Variants in TAF1 observed in about 807,000 individuals in gnomAD.
The protein encoded by TAF1 is TATA-box binding protein associated factor 1.
In TAF1, 2 loss-of-function variants were observed where a neutral mutation model predicts 138.5. The observed-to-expected ratio is 0.01, with a 90% confidence interval of 0.01 to 0.05. The LOEUF (loss-of-function observed/expected upper bound fraction) is 0.05. Among genes scored for constraint, TAF1 ranks in the 10% least tolerant of loss-of-function variants. The pLI is 1.00. For missense variants in TAF1, 709 were observed against 1,478.0 expected (o/e 0.48, Z 8.53); for synonymous variants, 437 against 503.2 (o/e 0.87, Z 1.76).
chrX:71,407,814 TG>T (rs1287849630), intron 27 of TAF1, 142 bp downstream of exon 27: 2 of 975,547 alleles, frequency 2.1e-6, no homozygotes, highest in East Asian at 6.3e-5. Flanking sequence ...TTTGTTTGTT[TG>T]TTTTTTTAAG....
chrX:71,384,484 C>T (rs1409672221), intron 13 of TAF1, among the ~76,000 whole-genome samples: 1 of 109,079 alleles, frequency 9.2e-6, no homozygotes, highest in East Asian at 2.9e-4. Context: ...GATCTCCACT[C>T]ACTGCAACCT....
chrX:71,495,486 C>T lies in TAF1; in HGVS notation c.1367-33056C>T, dbSNP rs777287716. Among the ~76,000 whole-genome samples the T allele has an allele frequency of 1.1e-4, 12 of 111,516 alleles. No homozygotes were observed. The East Asian group carries it at 2.0e-3, about 18-fold the overall frequency. On this transcript the variant is annotated intron_variant and NMD_transcript_variant, in intron 13 of 14. Transcript: ENST00000373775. ...TTGTCTGATTTCAAAAGCCTTTTCC[C>T]GTAAACGCCAGGCAGCATCTCATAC... is the stretch of plus-strand genomic sequence containing the variant.
chrX:71,483,151 C>CTTTTTTTTT (rs35875629), intron 13 of TAF1, among the ~76,000 whole-genome samples: 1 of 74,938 alleles, frequency 1.3e-5, no homozygotes. Flanking sequence ...TTTTTCTTTT[C>CTTTTTTTTT]TTTTTTTTTT....
intron 1 of TAF1, among the ~76,000 whole-genome samples, chrX:71,367,250 C>A (rs1418141074): frequency 9.2e-6 from 1 of 108,712 alleles, no homozygotes; most frequent in African/African-American, 3.6e-5. Flanking sequence ...TTATTTGATT[C>A]GTCTTCTCTT....
chrX:71,392,625 G>A lies in TAF1; in HGVS notation c.2838G>A (p.Lys946=). 1 of 1,209,336 alleles carries A rather than the reference G, an allele frequency of 8.3e-7. No homozygotes were observed. Among genetic ancestry groups the A allele is most frequent in the South Asian group, 1.8e-5 (1 of 56,333 alleles). Residue 946 remains lysine, a synonymous_variant, in exon 19 of 38, where the codon AAG becomes AAA. Transcript: ENST00000423759. ...CCTTCATTGCTGCCATGAAGGGCAAGTGTCTGCTAGAGGTGACTGGGGTGG... is the reference window on the plus strand; with the variant it reads ...CCTTCATTGCTGCCATGAAGGGCAAATGTCTGCTAGAGGTGACTGGGGTGG... The part of the protein sequence containing the change: ...TRAFIAAMKG[K]CLLEVTGVAD...
intron 14 of TAF1, chrX:71,529,636 G>A (rs1333485548): frequency 6.0e-6 from 2 of 331,291 alleles, no homozygotes; most frequent in Admixed American, 3.1e-5. Flanking sequence ...AATAAGTACA[G>A]GCACATGTTC....
intron 13 of TAF1, among the ~76,000 whole-genome samples, chrX:71,473,974 G>T (rs779705329): frequency 9.0e-6 from 1 of 110,641 alleles, no homozygotes; most frequent in African/African-American, 3.3e-5. Flanking sequence ...GTGAAACTAC[G>T]TCTCTATTAA....
chrX:71,393,101 A>G (rs926730811), intron 20 of TAF1, 107 bp downstream of exon 20: 20 of 1,076,253 alleles, frequency 1.9e-5, no homozygotes, highest in Non-Finnish European at 1.3e-6. Context: ...ATTGTAGGGT[A>G]TAGTAAGCTA....
At chrX:71,406,347 G>A (rs113641095) in intron 25 of TAF1, among the ~76,000 whole-genome samples, 68 of 95,153 alleles carry the variant, frequency 7.1e-4, no homozygotes, top group African/African-American at 2.3e-3. Context: ...AAAAAAAAAA[G>A]AGAATGTTGG....
intron 28 of TAF1, among the ~76,000 whole-genome samples, chrX:71,409,674 T>G (rs2035665339): frequency 9.0e-6 from 1 of 110,975 alleles, no homozygotes; most frequent in African/African-American, 3.3e-5. Context: ...CTACGTGAAT[T>G]TTAAAACCTT....
At chrX:71,486,709 A>G (rs1021576005) in intron 13 of TAF1, among the ~76,000 whole-genome samples, 12 of 109,703 alleles carry the variant, frequency 1.1e-4, no homozygotes, top group Admixed American at 3.9e-4. Context: ...CAGATTTCCT[A>G]TTTTTCTTGA....
At chrX:71,440,047 T>G (rs930008599) in intron 32 of TAF1, among the ~76,000 whole-genome samples, 2 of 111,472 alleles carry the variant, frequency 1.8e-5, no homozygotes, top group African/African-American at 3.3e-5. Flanking sequence ...CTTAGAACTG[T>G]TACCATAAAG....
chrX:71,402,407 C>T (rs1188380885), intron 25 of TAF1, among the ~76,000 whole-genome samples: 12 of 112,218 alleles, frequency 1.1e-4, no homozygotes, highest in Non-Finnish European at 1.9e-4. Flanking sequence ...TTACCATGCC[C>T]GGCCTAATTT....
At chrX:71,367,017 T>C (rs754631867) in intron 1 of TAF1, among the ~76,000 whole-genome samples, 3 of 112,060 alleles carry the variant, frequency 2.7e-5, no homozygotes, top group Non-Finnish European at 5.6e-5. Context: ...TCACTGACTT[T>C]CGTGAAATAG....
At chrX:71,372,639 CAA>C (rs113198786) in intron 3 of TAF1, among the ~76,000 whole-genome samples, 3 of 93,393 alleles carry the variant, frequency 3.2e-5, no homozygotes, top group South Asian at 4.9e-4. Context: ...ACCCCTGTCT[CAA>C]AAAAAAAAAA....
rs1368117660 is a variant in TAF1, at chrX:71,461,667, A to C, written c.5399+864A>C. 2.7e-5 allele frequency among the ~76,000 whole-genome samples: 3 copies of C among 112,053 alleles called. No homozygotes were observed. In the Admixed American group the frequency reaches 2.9e-4, roughly 11 times the overall value. On this transcript the variant is annotated intron_variant, in intron 37 of 37. Coordinates refer to ENST00000423759, the MANE Select transcript of TAF1 (RefSeq NM_004606.5). ...GATACATCTAACCAGCAAGCAGATAATATGCAATAACATTGTAAACAAATT... is the reference window on the plus strand; with the variant it reads ...GATACATCTAACCAGCAAGCAGATACTATGCAATAACATTGTAAACAAATT...
chrX:71,443,797 C>G (rs967170931), intron 32 of TAF1, among the ~76,000 whole-genome samples: 10 of 111,691 alleles, frequency 9.0e-5, no homozygotes, highest in Admixed American at 8.6e-4. Context: ...CAGTCTCTGC[C>G]TCCCAGGTTC....
chrX:71,438,497 C>T (rs1167832849), intron 32 of TAF1, among the ~76,000 whole-genome samples: 1 of 111,648 alleles, frequency 9.0e-6, no homozygotes, highest in African/African-American at 3.3e-5. Flanking sequence ...GAATATGTAA[C>T]GTCTCTCACT....
intron 13 of TAF1, chrX:71,492,794 G>A (rs908388183): frequency 1.1e-4 from 12 of 112,829 alleles, no homozygotes; most frequent in African/African-American, 3.9e-4. Flanking sequence ...GCTAACTCAC[G>A]CCTCCCCAGC....
Sources: allele counts gnomAD v4.1 joint callset (sites outside exome capture counted in the v4.1 genomes callset), GRCh38; gene constraint gnomAD v4.1.1; transcripts MANE v1.5; gene names NCBI Gene and HGNC (gene_info 2026-07-23, HGNC 2026-07-21).